Variants in ST6GALNAC5 observed in about 807,000 individuals in gnomAD.
The protein encoded by ST6GALNAC5 is ST6 N-acetylgalactosaminide alpha-2,6-sialyltransferase 5.
A neutral mutation model predicts 33.6 loss-of-function variants in ST6GALNAC5; 27 were observed. That is an observed-to-expected ratio of 0.80 (90% confidence interval 0.59 to 1.11). The LOEUF (loss-of-function observed/expected upper bound fraction) is 1.11, where lower values mean the gene tolerates loss of function less well. Ranked by LOEUF, ST6GALNAC5 falls within the 50% of genes least tolerant of loss-of-function variation. ST6GALNAC5 has a pLI of 0.00. For missense variants in ST6GALNAC5, 428 were observed against 454.0 expected (o/e 0.94, Z 0.52); for synonymous variants, 194 against 171.2 (o/e 1.13, Z -1.04).
At chr1:76,904,781 T>C (rs1436401029) in intron 2 of ST6GALNAC5, among the ~76,000 whole-genome samples, 9 of 151,562 alleles carry the variant, frequency 5.9e-5, no homozygotes. Context: ...GCTGAGATTG[T>C]GCCACTGCAT....
At chr1:76,967,218 G>C (rs772014581) in intron 2 of ST6GALNAC5, among the ~76,000 whole-genome samples, 1 of 152,062 alleles carries the variant, frequency 6.6e-6, no homozygotes, top group African/African-American at 2.4e-5. Context: ...CTGTGAATCC[G>C]TGTGGTCCTG....
intron 3 of ST6GALNAC5, among the ~76,000 whole-genome samples, chr1:77,047,250 CTT>C (rs1652050045): frequency 6.6e-6 from 1 of 152,180 alleles, no homozygotes; most frequent in African/African-American, 2.4e-5. Context: ...ACTCTATTGA[CTT>C]AATATTCTTT....
intron 2 of ST6GALNAC5, among the ~76,000 whole-genome samples, chr1:76,989,040 C>T (rs935668939): frequency 6.6e-6 from 1 of 152,118 alleles, no homozygotes; most frequent in Non-Finnish European, 1.5e-5. Context: ...AACAGGAAGG[C>T]AGCCTGAATT....
chr1:76,874,301 T>C (rs1391688202), intron 2 of ST6GALNAC5, among the ~76,000 whole-genome samples: 3 of 152,202 alleles, frequency 2.0e-5, no homozygotes, highest in African/African-American at 7.2e-5. Flanking sequence ...TGACATAGGG[T>C]CTTCTGCACT....
chr1:77,043,530 C>T (rs2100461330), intron 2 of ST6GALNAC5, among the ~76,000 whole-genome samples: 1 of 152,308 alleles, frequency 6.6e-6, no homozygotes, highest in Non-Finnish European at 1.5e-5. Flanking sequence ...CTCAGTTTCT[C>T]TCCCTCATCC....
chr1:76,916,236 T>C (rs1646972961), intron 2 of ST6GALNAC5, among the ~76,000 whole-genome samples: 1 of 152,188 alleles, frequency 6.6e-6, no homozygotes, highest in Non-Finnish European at 1.5e-5. Context: ...TGGGACAGAC[T>C]GGACTAAGCC....
chr1:77,066,986 T>C lies in ST6GALNAC5; in HGVS notation c.*3780T>C, dbSNP rs781392590. Among the ~76,000 whole-genome samples, 5 of 152,142 alleles carry C rather than the reference T, an allele frequency of 3.3e-5. No homozygotes were observed. Among genetic ancestry groups the C allele is most frequent in the Non-Finnish European group, 7.4e-5 (5 of 68,024 alleles). On this transcript the variant is annotated 3_prime_UTR_variant, in exon 5 of 5. Coordinates refer to ENST00000477717, the MANE Select transcript of ST6GALNAC5 (RefSeq NM_030965.3). ...GTGGGAGGAATATATCTGGCTACCA[T>C]ACAAGGTACTTCAGAAGTACCATTA... is the stretch of plus-strand genomic sequence containing the variant.
At chr1:76,976,998 C>T (rs1486279128) in intron 2 of ST6GALNAC5, among the ~76,000 whole-genome samples, 1 of 152,170 alleles carries the variant, frequency 6.6e-6, no homozygotes, top group South Asian at 2.1e-4. Context: ...GCATTTGTAG[C>T]ATGTTGCCAG....
intron 2 of ST6GALNAC5, among the ~76,000 whole-genome samples, chr1:76,921,085 T>C (rs548856866): frequency 6.6e-6 from 1 of 152,224 alleles, no homozygotes; most frequent in East Asian, 1.9e-4. Flanking sequence ...GAGACTTTAT[T>C]TAGAGTAGAC....
intron 2 of ST6GALNAC5, among the ~76,000 whole-genome samples, chr1:76,903,193 A>T (rs1337792599): frequency 6.6e-6 from 1 of 152,210 alleles, no homozygotes; most frequent in Non-Finnish European, 1.5e-5. Context: ...ACTCAATAAT[A>T]AAACAAATTA....
chr1:76,987,472 C>T (rs1042857873), intron 2 of ST6GALNAC5, among the ~76,000 whole-genome samples: 1 of 152,054 alleles, frequency 6.6e-6, no homozygotes, highest in Admixed American at 6.6e-5. Context: ...AAAATTGGAA[C>T]CCTCATACGT....
rs1653428059 is a variant in ST6GALNAC5, at chr1:76,868,816, G to A, written c.261+74G>A. ...CACACCTGAGCCTTCCCCCTTTCCCGGGGCTGGGAGGCGCTGTGAGTAGGT... is the reference window on the plus strand; with the variant it reads ...CACACCTGAGCCTTCCCCCTTTCCCAGGGCTGGGAGGCGCTGTGAGTAGGT... On this transcript the variant is annotated intron_variant, in intron 2 of 4. Transcript: ENST00000477717. The surrounding 1 kb of genome is among the most constrained non-coding windows in gnomAD (Gnocchi z 4.3). The A allele has an allele frequency of 1.4e-6, 2 of 1,430,388 alleles. No homozygotes were observed. Among genetic ancestry groups the A allele is most frequent in the Non-Finnish European group, 1.8e-6 (2 of 1,098,242 alleles). The allele number at this position is 1,430,388 out of a possible 1,614,324, so 88.6% of individuals were successfully genotyped here. A position where few individuals can be genotyped will look rare whatever the true frequency, so the allele number is the denominator to read the frequency against.
chr1:76,893,950 C>T lies in ST6GALNAC5; in HGVS notation c.261+25208C>T, dbSNP rs780476597. On this transcript the variant is annotated intron_variant, in intron 2 of 4. Transcript: ENST00000477717. ...CTGGTATTACAGGAATGAGCCACCG[C>T]GCCCAGCCTAGAAGAGACGCTCTTG... is the stretch of plus-strand genomic sequence containing the variant. Among the ~76,000 whole-genome samples, 4 of 152,292 alleles carry T rather than the reference C, an allele frequency of 2.6e-5. No individual in the cohort carries two copies. In the East Asian group the frequency reaches 5.8e-4, roughly 22 times the overall value.
intron 3 of ST6GALNAC5, among the ~76,000 whole-genome samples, chr1:77,045,515 G>A (rs189741609): frequency 5.3e-5 from 8 of 152,344 alleles, no homozygotes; most frequent in Non-Finnish European, 1.2e-4. Context: ...AACTGTGTCT[G>A]TGTGTCTCAA....
At chr1:76,990,859 T>C (rs911879071) in intron 2 of ST6GALNAC5, among the ~76,000 whole-genome samples, 1 of 152,106 alleles carries the variant, frequency 6.6e-6, no homozygotes, top group Non-Finnish European at 1.5e-5. Flanking sequence ...AGTGCAGTAG[T>C]TGGGGATTTA....
chr1:77,012,290 T>C (rs903340538), intron 2 of ST6GALNAC5, among the ~76,000 whole-genome samples: 5 of 152,194 alleles, frequency 3.3e-5, no homozygotes, highest in South Asian at 4.1e-4. Flanking sequence ...AGTGGAATAA[T>C]GTCCCAGCCA....
intron 2 of ST6GALNAC5, among the ~76,000 whole-genome samples, chr1:77,007,668 C>T (rs1236725928): frequency 6.6e-6 from 1 of 152,158 alleles, no homozygotes; most frequent in African/African-American, 2.4e-5. Flanking sequence ...TTAGAATTTC[C>T]AGGTATTTAA....
At chr1:76,890,232 T>C (rs1653984039) in intron 2 of ST6GALNAC5, among the ~76,000 whole-genome samples, 1 of 152,218 alleles carries the variant, frequency 6.6e-6, no homozygotes, top group Non-Finnish European at 1.5e-5. Context: ...ATCACAAATC[T>C]ACATCATTTT....
intron 2 of ST6GALNAC5, among the ~76,000 whole-genome samples, chr1:77,013,431 A>G (rs571276648): frequency 6.6e-6 from 1 of 152,212 alleles, no homozygotes; most frequent in Non-Finnish European, 1.5e-5. Context: ...AGTTTTGGCC[A>G]GGAGGTTGTT....
Sources: allele counts gnomAD v4.1 joint callset (sites outside exome capture counted in the v4.1 genomes callset), GRCh38; gene constraint gnomAD v4.1.1; non-coding constraint Gnocchi (gnomAD v3.1); transcripts MANE v1.5; gene names NCBI Gene and HGNC (gene_info 2026-07-23, HGNC 2026-07-21).